Variants in ARHGEF3 observed in about 807,000 individuals in gnomAD.
The protein encoded by ARHGEF3 is Rho guanine nucleotide exchange factor 3, also known as 59.8 kDA protein.
Under a neutral mutation model 63.2 loss-of-function variants are expected in ARHGEF3, and 28 were observed. The observed-to-expected ratio is 0.44, with a 90% CI of 0.33 to 0.61. The LOEUF (loss-of-function observed/expected upper bound fraction) is 0.61, where lower values mean the gene tolerates loss of function less well. Ranked by LOEUF, ARHGEF3 falls within the 20% of genes least tolerant of loss-of-function variation. ARHGEF3 has a pLI of 0.03. For missense variants in ARHGEF3, 533 were observed against 659.3 expected (o/e 0.81, Z 2.10); for synonymous variants, 266 against 254.2 (o/e 1.05, Z -0.44).
At chr3:56,859,330 AG>A (rs1230432620) in intron 4 of ARHGEF3, among the ~76,000 whole-genome samples, 36 of 151,582 alleles carry the variant, frequency 2.4e-4, no homozygotes, top group Non-Finnish European at 2.9e-5. Context: ...TAGTAGAGAC[AG>A]GGTTTCACCG....
intron 3 of ARHGEF3, among the ~76,000 whole-genome samples, chr3:56,929,575 T>C (rs981773295): frequency 6.6e-6 from 1 of 152,190 alleles, no homozygotes; most frequent in Non-Finnish European, 1.5e-5. Context: ...CTGTTGCCAC[T>C]AATGTCCCAT....
intron 2 of ARHGEF3, among the ~76,000 whole-genome samples, chr3:56,961,179 A>G (rs772291451): frequency 2.6e-5 from 4 of 152,342 alleles, no homozygotes; most frequent in South Asian, 2.1e-4. Context: ...AGACAGCATT[A>G]TAACAGTGTT....
chr3:57,002,424 C>CTATATATATATATATATATATA lies in ARHGEF3; in HGVS notation c.62+32663_62+32664insTATATATATATATATATATATA, dbSNP rs55778548. Among the ~76,000 whole-genome samples the CTATATATATATATATATATATA allele has an allele frequency of 9.1e-4, 57 of 62,770 alleles. 3 individuals carry two copies. The highest frequency in any genetic ancestry group is 1.5e-3 in the African/African-American group (29 of 19,650). The allele number at this position is 62,770 out of a possible 152,430, so 41.2% of individuals were successfully genotyped here. A position where few individuals can be genotyped will look rare whatever the true frequency, so the allele number is the denominator to read the frequency against. ...TATATGCCAGGCACTGTTCTAAGCA[C>CTATATATATATATATATATATA]TATATATATATATATATGCCAGGCA... is the stretch of plus-strand genomic sequence containing the variant. On this transcript the variant is annotated intron_variant, in intron 2 of 12. Transcript: ENST00000338458.
chr3:56,801,841 T>C lies in ARHGEF3; in HGVS notation c.-43A>G. 6.4e-7 allele frequency: 1 copy of C among 1,551,838 alleles called. No homozygotes were observed. On this transcript the variant is annotated 5_prime_UTR_variant, in exon 1 of 10. Transcript: ENST00000296315. ...CCCTTTGGGATGTCACCGCTGACCC[T>C]AGGCGACTACAAAACTCCCAGGCAA... is the stretch of plus-strand genomic sequence containing the variant.
At chr3:56,949,560 A>C (rs1216622396) in intron 3 of ARHGEF3, among the ~76,000 whole-genome samples, 1 of 152,008 alleles carries the variant, frequency 6.6e-6, no homozygotes, top group Non-Finnish European at 1.5e-5. Flanking sequence ...ATACCTAGGA[A>C]TCCAACTTAC....
intron 1 of ARHGEF3, among the ~76,000 whole-genome samples, chr3:56,778,479 T>A (rs2036391344): frequency 6.6e-6 from 1 of 152,208 alleles, no homozygotes; most frequent in South Asian, 2.1e-4. Flanking sequence ...AGTGTGGCTA[T>A]ATCATATTAA....
At chr3:56,831,586 C>T (rs572577666) in intron 4 of ARHGEF3, among the ~76,000 whole-genome samples, 34 of 152,288 alleles carry the variant, frequency 2.2e-4, no homozygotes, top group Non-Finnish European at 3.5e-4. Context: ...ACCTTATTTA[C>T]AAAAGCAGAC....
chr3:56,821,824 C>T (rs2038504639), intron 4 of ARHGEF3, among the ~76,000 whole-genome samples: 2 of 151,946 alleles, frequency 1.3e-5, no homozygotes, highest in Admixed American at 1.3e-4. Flanking sequence ...ATTAGCCGGG[C>T]ATGGTGGGGC....
chr3:57,047,808 G>A (rs1160654152), intron 1 of ARHGEF3, among the ~76,000 whole-genome samples: 1 of 152,166 alleles, frequency 6.6e-6, no homozygotes, highest in African/African-American at 2.4e-5. Flanking sequence ...AGGGCAGCTG[G>A]GTTAAAGGAG....
At chr3:57,067,078 T>C (rs1473065338) in intron 1 of ARHGEF3, among the ~76,000 whole-genome samples, 1 of 152,192 alleles carries the variant, frequency 6.6e-6, no homozygotes, top group African/African-American at 2.4e-5. Context: ...GGACCTGTAC[T>C]TGCATGAAAT....
At chr3:56,968,517 C>T (rs1352805218) in intron 2 of ARHGEF3, among the ~76,000 whole-genome samples, 1 of 142,524 alleles carries the variant, frequency 7.0e-6, no homozygotes, top group Admixed American at 7.6e-5. Flanking sequence ...TCTGTAGAGA[C>T]GGGGTCTCCC....
intron 2 of ARHGEF3, among the ~76,000 whole-genome samples, chr3:56,987,757 G>A (rs763237194): frequency 6.6e-6 from 1 of 152,172 alleles, no homozygotes; most frequent in East Asian, 1.9e-4. Context: ...CAGCCACTAA[G>A]AGACCACCTC....
intron 2 of ARHGEF3, among the ~76,000 whole-genome samples, chr3:56,979,308 G>C (rs1413718110): frequency 3.3e-5 from 5 of 152,234 alleles, no homozygotes; most frequent in Non-Finnish European, 1.5e-5. Context: ...TTGCAACTGA[G>C]TAAACTGAGA....
chr3:56,963,995 T>A (rs990721348), intron 2 of ARHGEF3, among the ~76,000 whole-genome samples: 1 of 152,156 alleles, frequency 6.6e-6, no homozygotes, highest in Non-Finnish European at 1.5e-5. Flanking sequence ...CACACTCAGC[T>A]TCATTCTACT....
intron 2 of ARHGEF3, among the ~76,000 whole-genome samples, chr3:57,031,392 C>G (rs1477558734): frequency 6.6e-6 from 1 of 152,038 alleles, no homozygotes; most frequent in Non-Finnish European, 1.5e-5. Flanking sequence ...CAAACAAAAA[C>G]AAAAAATGCC....
At chr3:56,980,413 G>T (rs1162011056) in intron 2 of ARHGEF3, among the ~76,000 whole-genome samples, 1 of 152,154 alleles carries the variant, frequency 6.6e-6, no homozygotes, top group African/African-American at 2.4e-5. Context: ...GCTGTATGGG[G>T]ACTCAAAGTA....
Position 56,729,450 on chromosome 3 carries a change from G to A in ARHGEF3, c.1401C>T (p.Phe467=), listed in dbSNP as rs369627832. Residue 467 remains phenylalanine, a synonymous_variant, in exon 10 of 10, where the codon TTC becomes TTT. Coordinates refer to ENST00000296315, the MANE Select transcript of ARHGEF3 (RefSeq NM_019555.3). The part of the protein sequence containing the change: ...QAGVLDSEGS[F]LNPTTGSREL... Reference sequence around the variant, plus strand: ...CTCTGCTCCCGGTGGTGGGATTTAGGAACGATCCCTCGGAGTCAAGCACCC... The same window carrying A: ...CTCTGCTCCCGGTGGTGGGATTTAGAAACGATCCCTCGGAGTCAAGCACCC... The A allele has an allele frequency of 9.3e-6, 15 of 1,613,904 alleles. 1 individual carries two copies. The African/African-American group carries it at 2.0e-4, about 22-fold the overall frequency.
At chr3:56,993,521 C>A (rs1233355828) in intron 2 of ARHGEF3, among the ~76,000 whole-genome samples, 1 of 151,548 alleles carries the variant, frequency 6.6e-6, no homozygotes. Context: ...ACTACAGGTG[C>A]GTTCCACGAT....
rs532001486 is a variant in ARHGEF3 at position 56,939,128 on chromosome 3, G to T, written c.129+19695C>A. On this transcript the variant is annotated intron_variant, in intron 3 of 12. Coordinates refer to the ARHGEF3 transcript ENST00000338458. ...GGGCCACACTCACTGTGAAGAGGAA[G>T]AAGTTGATGACAGAGAAGAAAATCC... 8.5e-5 allele frequency among the ~76,000 whole-genome samples: 13 copies of T among 152,288 alleles called. No individual in the cohort carries two copies. In the South Asian group the frequency reaches 2.7e-3, roughly 32 times the overall value.
Sources: gnomAD v4.1 joint callset for allele counts (sites outside exome capture counted in the v4.1 genomes callset) on GRCh38, gnomAD v4.1.1 for gene constraint, MANE v1.5 for transcripts, NCBI Gene and HGNC (gene_info 2026-07-23, HGNC 2026-07-21) for gene names.